Variants in USP16 observed in about 807,000 individuals in gnomAD.
USP16 encodes the protein ubiquitin carboxyl-terminal hydrolase 16.
In USP16, 77 loss-of-function variants were observed where a neutral mutation model predicts 95.9. That is an observed-to-expected ratio of 0.80 (90% CI 0.67 to 0.97). The LOEUF (loss-of-function observed/expected upper bound fraction) is 0.97, where lower values mean the gene tolerates loss of function less well. Among genes scored for constraint, USP16 ranks in the 50% least tolerant of loss-of-function variants. The pLI, the probability that USP16 is intolerant of heterozygous loss-of-function variation, is 0.00. For missense variants in USP16, 943 were observed against 959.9 expected, an observed-to-expected ratio of 0.98 and a Z score of 0.23; for synonymous variants, 303 against 318.2, an observed-to-expected ratio of 0.95 and a Z score of 0.51.
intron 2 of USP16, among the ~76,000 whole-genome samples, chr21:29,028,458 C>T (rs879661981): frequency 2.1e-5 from 3 of 141,030 alleles, no homozygotes; most frequent in Admixed American, 1.4e-4. Context: ...TTTCCTGAGA[C>T]GGAGTCTGGC....
intron 5 of USP16, 117 bp from the exon 6 acceptor site, chr21:29,037,159 G>A (rs2085170252): frequency 1.8e-6 from 1 of 565,552 alleles, no homozygotes; most frequent in African/African-American, 1.9e-5. Flanking sequence ...ATGGGTGGGT[G>A]GGTTGGAAAG....
intron 2 of USP16, among the ~76,000 whole-genome samples, chr21:29,029,273 C>T (rs926328811): frequency 4.6e-5 from 7 of 152,162 alleles, no homozygotes; most frequent in Middle Eastern, 3.4e-3. Flanking sequence ...ATTAGCTGGG[C>T]GTGGTGGCGG....
intron 11 of USP16, 143 bp downstream of exon 11, chr21:29,042,247 T>C: frequency 1.1e-6 from 1 of 871,416 alleles, no homozygotes. Context: ...TGGTTCTTTG[T>C]GGGAAATGTC....
intron 6 of USP16, among the ~76,000 whole-genome samples, chr21:29,037,709 CA>C (rs1228726114): frequency 6.6e-6 from 1 of 151,472 alleles, no homozygotes; most frequent in African/African-American, 2.4e-5. Flanking sequence ...CCTTAGCCTC[CA>C]GAGTAGCTGG....
chr21:29,028,374 G>C (rs2085026434), intron 2 of USP16, among the ~76,000 whole-genome samples: 1 of 147,494 alleles, frequency 6.8e-6, no homozygotes, highest in Non-Finnish European at 1.5e-5. Context: ...TGATCCGCCT[G>C]CCTTGGCCTC....
chr21:29,033,762 A>G (rs552222964), intron 3 of USP16, among the ~76,000 whole-genome samples: 1 of 152,350 alleles, frequency 6.6e-6, no homozygotes, highest in African/African-American at 2.4e-5. Context: ...AAGGTAAAAA[A>G]TAAGGAATGC....
intron 15 of USP16, among the ~76,000 whole-genome samples, chr21:29,049,153 C>A (rs1369632560): frequency 6.6e-6 from 1 of 152,146 alleles, no homozygotes; most frequent in Non-Finnish European, 1.5e-5. Flanking sequence ...TTACATATAT[C>A]TCATGCTTAG....
chr21:29,027,320 T>A (rs2085007186), intron 1 of USP16, among the ~76,000 whole-genome samples: 1 of 152,246 alleles, frequency 6.6e-6, no homozygotes. Context: ...GCATAGGAAA[T>A]CCTGGTGTGG....
chr21:29,030,663 G>T lies in USP16; in HGVS notation c.130G>T (p.Glu44Ter). The change falls in exon 3 of 18, where the codon GAA becomes TAA. Residue 44 changes from glutamate to a stop codon, truncating the protein, a stop_gained. Coordinates refer to ENST00000399976, the MANE Select transcript of USP16 (RefSeq NM_006447.3). LOFTEE classifies it high-confidence loss of function. ...TTTGAAAAAGGCTTTAGTGAATGTG[G>T]AATGGAATATCTGCCAAGACTGTAA... ...GNLKKALVNV[E>*]WNICQDCKTD... 1 of 1,614,018 alleles carries T rather than the reference G, an allele frequency of 6.2e-7. No homozygotes were observed. The highest frequency in any genetic ancestry group is 1.1e-5 in the South Asian group (1 of 91,046).
Position 29,042,063 on chromosome 21 carries a change from G to A in USP16, c.1081G>A (p.Gly361Ser), listed in dbSNP as rs1278813451. ...AAGTTTTGTTGACCGCATCTTTGGT[G>A]GTGAACTAACTAGTATGATCATGTG... is the stretch of plus-strand genomic sequence containing the variant. ...MPSFVDRIFGGELTSMIMCDQ... is the reference protein window; with the variant it reads ...MPSFVDRIFGSELTSMIMCDQ... Residue 361 changes from glycine to serine, a missense_variant, in exon 11 of 18, where the codon GGT (glycine) becomes AGT (serine). Coordinates refer to ENST00000399976, the MANE Select transcript of USP16 (RefSeq NM_006447.3). The A allele has an allele frequency of 1.9e-6, 3 of 1,613,206 alleles. No homozygotes were observed. Among genetic ancestry groups the A allele is most frequent in the Non-Finnish European group, 2.5e-6 (3 of 1,179,614 alleles).
rs2085274499 is a variant in USP16 at position 29,043,454 on chromosome 21, T to A, written c.1211T>A (p.Leu404Gln). Residue 404 changes from leucine to glutamine, a missense_variant, in exon 13 of 18, where the codon CTG becomes CAG. Coordinates refer to ENST00000399976, the MANE Select transcript of USP16 (RefSeq NM_006447.3). Reference protein sequence around the residue: ...SGKKSVNDKNLKKTVEDEDQD... With the variant: ...SGKKSVNDKNQKKTVEDEDQD... ...AAGAAAAGTGTAAATGATAAAAATCTGAAAAAGACAGTGGAGGATGAAGAT... is the reference window on the plus strand; with the variant it reads ...AAGAAAAGTGTAAATGATAAAAATCAGAAAAAGACAGTGGAGGATGAAGAT... 6.5e-7 allele frequency: 1 copy of A among 1,550,188 alleles called. No individual in the cohort carries two copies. Among genetic ancestry groups the A allele is most frequent in the Non-Finnish European group, 8.7e-7 (1 of 1,155,432 alleles).
chr21:29,047,445 A>C (rs1428649041), intron 14 of USP16, 124 bp downstream of exon 14: 1 of 1,090,618 alleles, frequency 9.2e-7, no homozygotes, highest in African/African-American at 1.6e-5. Flanking sequence ...TTTCTGTGTA[A>C]ATATTTTAAT....
chr21:29,045,582 G>A (rs1453290995), intron 13 of USP16, among the ~76,000 whole-genome samples: 4 of 150,810 alleles, frequency 2.7e-5, no homozygotes, highest in Non-Finnish European at 2.9e-5. Context: ...TTTTCTCTCA[G>A]TGAAACCTTG....
At chr21:29,053,706 G>T (rs2085451014) in intron 16 of USP16, 96 bp from the exon 17 acceptor site, 2 of 1,277,734 alleles carry the variant, frequency 1.6e-6, no homozygotes, top group South Asian at 2.9e-5. Flanking sequence ...TCAAAGTAAT[G>T]GTTAAAGACC....
chr21:29,037,114 T>C (rs1482193913), intron 5 of USP16, among the ~76,000 whole-genome samples, 162 bp from the exon 6 acceptor site: 1 of 152,190 alleles, frequency 6.6e-6, no homozygotes, highest in Non-Finnish European at 1.5e-5. Flanking sequence ...GTTTTTTTTC[T>C]GGATGGCAAT....
At chr21:29,039,216 A>G in intron 8 of USP16, 60 bp downstream of exon 8, 1 of 1,303,050 alleles carries the variant, frequency 7.7e-7, no homozygotes. Flanking sequence ...AAATAATATT[A>G]ATATTAAATA....
intron 16 of USP16, 64 bp from the exon 17 acceptor site, chr21:29,053,738 C>A: frequency 1.3e-6 from 2 of 1,536,944 alleles, no homozygotes; most frequent in South Asian, 1.2e-5. Context: ...GTAAACTTGT[C>A]TTGCCCATGA....
Position 29,027,888 on chromosome 21 carries a change from C to A in USP16, c.-26C>A. ...TGTTTTCTAGATTGTTATTTTGTGT[C>A]AGTAAGTAATCCATAAAGTGCCAAC... On this transcript the variant is annotated 5_prime_UTR_variant, in exon 2 of 18. An upstream open reading frame in the 5' UTR gains an earlier in-frame stop. Coordinates refer to ENST00000399976, the MANE Select transcript of USP16 (RefSeq NM_006447.3). The A allele has an allele frequency of 6.2e-7, 1 of 1,612,432 alleles. No individual in the cohort carries two copies. The highest frequency in any genetic ancestry group is 1.1e-5 in the South Asian group (1 of 91,018).
In USP16 at chr21:29,053,920, ATC is replaced by A. The variant is rs1224939533; in HGVS notation, c.2318_2319del (p.Ser773Ter). On this transcript the variant is annotated frameshift_variant, in exon 17 of 18. Coordinates refer to ENST00000399976, the MANE Select transcript of USP16 (RefSeq NM_006447.3). LOFTEE classifies it high-confidence loss of function. ...GCCAAGGCAAGAACCGCAAATAGTC[ATC>A]TCTCTAATCTTGTTCTTCACGGTGA... 1.2e-6 allele frequency: 2 copies of A among 1,614,146 alleles called. No homozygotes were observed. Among genetic ancestry groups the A allele is most frequent in the African/African-American group, 2.7e-5 (2 of 74,950 alleles).
Sources: allele counts gnomAD v4.1 joint callset (sites outside exome capture counted in the v4.1 genomes callset), GRCh38; gene constraint gnomAD v4.1.1; transcripts MANE v1.5; gene names NCBI Gene and HGNC (gene_info 2026-07-23, HGNC 2026-07-21).